Variants in CHMP2B observed in about 807,000 individuals in gnomAD.
CHMP2B encodes VPS2 homolog B.
Under a neutral mutation model 29.8 loss-of-function variants are expected in CHMP2B, and 22 were observed. That is an observed-to-expected ratio of 0.74 (90% CI 0.53 to 1.05). CHMP2B has a LOEUF of 1.05. Among genes scored for constraint, CHMP2B ranks in the 50% least tolerant of loss-of-function variants. CHMP2B has a pLI of 0.00. For missense variants in CHMP2B, 261 were observed against 252.2 expected (o/e 1.03, Z -0.24); for synonymous variants, 78 against 75.8 (o/e 1.03, Z -0.15).
At chr3:87,247,974 T>C (rs1310168591) in intron 3 of CHMP2B, among the ~76,000 whole-genome samples, 1 of 151,906 alleles carries the variant, frequency 6.6e-6, no homozygotes, top group African/African-American at 2.4e-5. Flanking sequence ...AAAAGTACAG[T>C]GACACATTAT....
intron 1 of CHMP2B, 170 bp from the exon 2 acceptor site, chr3:87,240,529 C>T (rs1368499477): frequency 1.8e-6 from 1 of 543,676 alleles, no homozygotes; most frequent in South Asian, 1.9e-5. Context: ...AGGCTGGTCT[C>T]GAACTCCTGA....
Position 87,253,488 on chromosome 3 carries a change from T to C in CHMP2B, c.509T>C (p.Ile170Thr). The stretch of plus-strand genomic sequence containing the variant: ...ATTGTGAATCAAGTTCTTGATGAAA[T>C]TGGAATTGAAATTTCTGGAAAGGTA... ...QDIVNQVLDE[I>T]GIEISGKMAK... Residue 170 changes from isoleucine to threonine, a missense_variant, in exon 5 of 6, where the codon ATT becomes ACT. Coordinates refer to ENST00000263780, the MANE Select transcript of CHMP2B (RefSeq NM_014043.4). 1 of 1,610,030 alleles carries C rather than the reference T, an allele frequency of 6.2e-7. No homozygotes were observed. The highest frequency in any genetic ancestry group is 8.5e-7 in the Non-Finnish European group (1 of 1,176,570).
Position 87,245,725 on chromosome 3 carries a change from T to C in CHMP2B, c.138T>C (p.Ile46=). 6.2e-7 allele frequency: 1 copy of C among 1,613,176 alleles called. No homozygotes were observed. The highest frequency in any genetic ancestry group is 8.5e-7 in the Non-Finnish European group (1 of 1,179,476). ...GTTTCTTCTCTTAGGAATTAGAAATTAAGAAAATGGCCAAGATTGGTAATA... is the reference window on the plus strand; with the variant it reads ...GTTTCTTCTCTTAGGAATTAGAAATCAAGAAAATGGCCAAGATTGGTAATA... The part of the protein sequence containing the change: ...EKQEKQLELE[I]KKMAKIGNKE... Residue 46 remains isoleucine, a synonymous_variant, in exon 3 of 6, where the codon ATT becomes ATC. Coordinates refer to ENST00000263780, the MANE Select transcript of CHMP2B (RefSeq NM_014043.4).
intron 4 of CHMP2B, among the ~76,000 whole-genome samples, chr3:87,252,452 T>G (rs1208754918): frequency 6.6e-6 from 1 of 151,880 alleles, no homozygotes; most frequent in Non-Finnish European, 1.5e-5. Context: ...CCTTCTTGCT[T>G]GTGTCCCTGT....
Position 87,245,787 on chromosome 3 carries a change from A to T in CHMP2B, c.200A>T (p.His67Leu), listed in dbSNP as rs1476761656. ...AAAGTTTTAGCCAAACAACTTGTGCATCTACGGAAACAGAAGACGAGAACT... is the reference window on the plus strand; with the variant it reads ...AAAGTTTTAGCCAAACAACTTGTGCTTCTACGGAAACAGAAGACGAGAACT... ...ACKVLAKQLV[H>L]LRKQKTRTFA... is the part of the protein sequence containing the mutation. Residue 67 changes from histidine to leucine, a missense_variant, in exon 3 of 6, where the codon CAT becomes CTT. By Grantham distance (99) the His-to-Leu change is moderately conservative (BLOSUM62 -3). Transcript: ENST00000263780. 2 of 1,613,822 alleles carry T rather than the reference A, an allele frequency of 1.2e-6. No homozygotes were observed. Among genetic ancestry groups the T allele is most frequent in the African/African-American group, 2.7e-5 (2 of 74,924 alleles).
chr3:87,232,118 C>T (rs1705919479), intron 1 of CHMP2B, among the ~76,000 whole-genome samples: 1 of 152,168 alleles, frequency 6.6e-6, no homozygotes, highest in Non-Finnish European at 1.5e-5. Flanking sequence ...TTGCCACCCA[C>T]TGTGAACTTT....
At chr3:87,246,327 G>A (rs1022176894) in intron 3 of CHMP2B, among the ~76,000 whole-genome samples, 12 of 151,978 alleles carry the variant, frequency 7.9e-5, no homozygotes, top group African/African-American at 2.2e-4. Context: ...TAGTAGAGAC[G>A]AGGTTTCACA....
Position 87,240,753 on chromosome 3 carries a change from G to C in CHMP2B, c.89G>C (p.Arg30Thr). 1 of 1,613,728 alleles carries C rather than the reference G, an allele frequency of 6.2e-7. No homozygotes were observed. The highest frequency in any genetic ancestry group is 8.5e-7 in the Non-Finnish European group (1 of 1,179,714). Reference sequence around the variant, plus strand: ...CGAGGTACACAGAGGGCTATAATCAGAGATCGAGCAGCTTTAGAGAAACAA... The same window carrying C: ...CGAGGTACACAGAGGGCTATAATCACAGATCGAGCAGCTTTAGAGAAACAA... The part of the protein sequence containing the change: ...ELRGTQRAII[R>T]DRAALEKQEK... Residue 30 changes from arginine to threonine, a missense_variant, in exon 2 of 6, where the codon AGA becomes ACA. Coordinates refer to ENST00000263780, the MANE Select transcript of CHMP2B (RefSeq NM_014043.4).
intron 3 of CHMP2B, among the ~76,000 whole-genome samples, chr3:87,246,964 G>A (rs761558623): frequency 7.9e-5 from 12 of 152,144 alleles, no homozygotes; most frequent in Non-Finnish European, 1.6e-4. Context: ...TAAGACAAAG[G>A]TTTTAAGAAT....
intron 1 of CHMP2B, among the ~76,000 whole-genome samples, chr3:87,236,712 A>G (rs1033269165): frequency 3.9e-5 from 6 of 152,010 alleles, no homozygotes; most frequent in African/African-American, 1.2e-4. Context: ...AAATACAAAA[A>G]TTAGCCAGGC....
intron 3 of CHMP2B, 94 bp from the exon 4 acceptor site, chr3:87,249,781 C>A: frequency 2.9e-6 from 2 of 698,396 alleles, no homozygotes; most frequent in Non-Finnish European, 5.0e-6. Flanking sequence ...CTTTTTAAAG[C>A]CTATCTATAT....
intron 1 of CHMP2B, chr3:87,240,431 C>T (rs1706094933): frequency 2.9e-6 from 1 of 339,580 alleles, no homozygotes; most frequent in South Asian, 2.6e-5. Context: ...CTACCTCAGC[C>T]TACCGAGTAG....
At chr3:87,240,333 G>A (rs901770759) in intron 1 of CHMP2B, 4 of 145,312 alleles carry the variant, frequency 2.8e-5, no homozygotes, top group African/African-American at 7.7e-5. Flanking sequence ...ACAGAGTTTC[G>A]CTGTTGTTGC....
intron 4 of CHMP2B, among the ~76,000 whole-genome samples, chr3:87,251,551 G>A (rs1706313199): frequency 6.6e-6 from 1 of 151,860 alleles, no homozygotes; most frequent in African/African-American, 2.4e-5. Context: ...TAGCAAGTTA[G>A]TCTGTAGTAT....
chr3:87,236,025 C>T lies in CHMP2B; in HGVS notation c.35-4674C>T, dbSNP rs181390176. On this transcript the variant is annotated intron_variant, in intron 1 of 5. Coordinates refer to ENST00000263780, the MANE Select transcript of CHMP2B (RefSeq NM_014043.4). ...TGGAAGTGATCCATAGGTCAAGGGT[C>T]GAAGGTGGAGGACAGAGCTCCCATG... Among the ~76,000 whole-genome samples, 19 of 152,202 alleles carry T rather than the reference C, an allele frequency of 1.2e-4. No individual in the cohort carries two copies. In the East Asian group the frequency reaches 1.9e-3, roughly 15 times the overall value.
intron 1 of CHMP2B, 28 bp downstream of exon 1, chr3:87,227,584 C>T (rs769984979): frequency 1.2e-6 from 2 of 1,613,902 alleles, no homozygotes; most frequent in East Asian, 4.5e-5. Context: ...CTGAAGGGGC[C>T]CAGCTCTGCG....
At chr3:87,239,935 T>C (rs1191757870) in intron 1 of CHMP2B, among the ~76,000 whole-genome samples, 1 of 152,118 alleles carries the variant, frequency 6.6e-6, no homozygotes, top group African/African-American at 2.4e-5. Flanking sequence ...ATCTGCCTCA[T>C]TGGAAAGTCT....
At chr3:87,250,917 C>G (rs563952151) in intron 4 of CHMP2B, among the ~76,000 whole-genome samples, 4 of 151,786 alleles carry the variant, frequency 2.6e-5, no homozygotes, top group Non-Finnish European at 5.9e-5. Context: ...ATAGCACCCT[C>G]GTCAACATTA....
chr3:87,239,781 A>G (rs1706081036), intron 1 of CHMP2B, among the ~76,000 whole-genome samples: 1 of 152,216 alleles, frequency 6.6e-6, no homozygotes, highest in African/African-American at 2.4e-5. Flanking sequence ...TTGAGAGGAT[A>G]CTTGCAGTTA....
Sources: gnomAD v4.1 joint callset for allele counts (sites outside exome capture counted in the v4.1 genomes callset) on GRCh38, gnomAD v4.1.1 for gene constraint, MANE v1.5 for transcripts, NCBI Gene and HGNC (gene_info 2026-07-23, HGNC 2026-07-21) for gene names.